Variants in EYS observed in about 807,000 individuals in gnomAD.
The protein encoded by EYS is EGF-like photoreceptor maintenance factor.
EYS carries 250 observed loss-of-function variants against 282.1 expected under a neutral mutation model. The observed-to-expected ratio is 0.89, with a 90% CI of 0.80 to 0.98. EYS has a LOEUF of 0.98. Ranked by LOEUF, EYS falls within the 50% of genes least tolerant of loss-of-function variation. The pLI, the probability that EYS is intolerant of heterozygous loss-of-function variation, is 0.00. For missense variants in EYS, 4,016 were observed against 3,709.0 expected (o/e 1.08, Z -2.15); for synonymous variants, 1,355 against 1,282.9 (o/e 1.06, Z -1.20).
rs1679752561 is a variant in EYS at position 63,721,195 on chromosome 6, T to G, written c.8836A>C (p.Arg2946=). Residue 2946 remains arginine (R), a synonymous_variant, in exon 43 of 43, where the codon AGG becomes CGG. Transcript: ENST00000503581. ...AATGAAGTTTTGTTTTCACAATACC[T>G]TCCCACCCAACCCAAAGTACACAGG... is the stretch of plus-strand genomic sequence containing the variant. ...SCLCTLGWVG[R]YCENKTSFST... 1.3e-6 allele frequency: 2 copies of G among 1,551,676 alleles called. No individual in the cohort carries two copies. Among genetic ancestry groups the G allele is most frequent in the African/African-American group, 1.4e-5 (1 of 73,164 alleles).
intron 19 of EYS, among the ~76,000 whole-genome samples, chr6:64,825,345 T>C (rs1415323864): frequency 6.6e-6 from 1 of 151,944 alleles, no homozygotes; most frequent in African/African-American, 2.4e-5. Context: ...GATGTATTCA[T>C]CTTTTTTTTC....
intron 22 of EYS, among the ~76,000 whole-genome samples, chr6:64,648,708 G>A (rs1178094012): frequency 6.6e-6 from 1 of 152,138 alleles, no homozygotes; most frequent in African/African-American, 2.4e-5. Flanking sequence ...AAGATAGACT[G>A]ATAAACCGTT....
intron 26 of EYS, among the ~76,000 whole-genome samples, chr6:64,581,647 T>C (rs1243629617): frequency 1.3e-5 from 2 of 152,144 alleles, no homozygotes; most frequent in Non-Finnish European, 2.9e-5. Flanking sequence ...TACGTGCATG[T>C]TATTCTTATC....
At chr6:63,730,593 T>G (rs1768758482) in intron 41 of EYS, among the ~76,000 whole-genome samples, 1 of 152,242 alleles carries the variant, frequency 6.6e-6, no homozygotes, top group Non-Finnish European at 1.5e-5. Context: ...ATGATGCTAC[T>G]TTTCCTCCTT....
At chr6:64,078,314 A>C (rs1449848332) in intron 32 of EYS, among the ~76,000 whole-genome samples, 1 of 152,066 alleles carries the variant, frequency 6.6e-6, no homozygotes, top group East Asian at 1.9e-4. Flanking sequence ...ATCTGTTTTA[A>C]TTTTCTCACT....
chr6:65,253,151 C>A (rs1305804265), intron 12 of EYS, among the ~76,000 whole-genome samples: 2 of 151,920 alleles, frequency 1.3e-5, no homozygotes, highest in African/African-American at 2.4e-5. Context: ...ACCCTTCAGA[C>A]ACATCAGAAG....
chr6:63,961,937 G>A (rs1277936678), intron 35 of EYS, among the ~76,000 whole-genome samples: 1 of 152,104 alleles, frequency 6.6e-6, no homozygotes, highest in Non-Finnish European at 1.5e-5. Context: ...TGTAAGAAAT[G>A]TTAATTTGAT....
chr6:64,774,638 T>C (rs1204990426), intron 22 of EYS, among the ~76,000 whole-genome samples: 1 of 151,948 alleles, frequency 6.6e-6, no homozygotes, highest in African/African-American at 2.4e-5. Flanking sequence ...GTATAAATTA[T>C]AGTTCCTAAA....
At chr6:65,109,950 T>C (rs557225921) in intron 12 of EYS, among the ~76,000 whole-genome samples, 10 of 152,330 alleles carry the variant, frequency 6.6e-5, no homozygotes, top group Admixed American at 3.3e-4. Flanking sequence ...ATTCCCTTTT[T>C]GTTTAATGAA....
intron 35 of EYS, among the ~76,000 whole-genome samples, chr6:63,888,595 G>C (rs868491327): frequency 1.8e-4 from 28 of 152,126 alleles, no homozygotes; most frequent in African/African-American, 6.5e-4. Flanking sequence ...ACAGCATCAA[G>C]ATCAACAAAA....
chr6:65,379,581 A>C (rs1051715694), intron 8 of EYS, among the ~76,000 whole-genome samples: 1 of 151,816 alleles, frequency 6.6e-6, no homozygotes, highest in African/African-American at 2.4e-5. Flanking sequence ...CTCTCTCACC[A>C]CTCCTGTTCA....
intron 40 of EYS, among the ~76,000 whole-genome samples, chr6:63,764,577 T>C (rs1769735913): frequency 1.3e-5 from 2 of 152,000 alleles, no homozygotes; most frequent in South Asian, 4.1e-4. Flanking sequence ...AAAATTATTC[T>C]CACTGCCTTA....
intron 26 of EYS, among the ~76,000 whole-genome samples, chr6:64,491,690 A>C (rs2150506198): frequency 6.6e-6 from 1 of 151,098 alleles, no homozygotes; most frequent in South Asian, 2.1e-4. Context: ...GAGAGTGCTA[A>C]AATATATTGC....
chr6:65,597,560 T>C (rs1219258533), intron 2 of EYS, among the ~76,000 whole-genome samples: 1 of 152,110 alleles, frequency 6.6e-6, no homozygotes, highest in Non-Finnish European at 1.5e-5. Flanking sequence ...TTATTTTCAA[T>C]TGTAGCCTTG....
chr6:65,371,992 GT>G (rs144827588), intron 8 of EYS, among the ~76,000 whole-genome samples: 58,412 of 123,668 alleles, frequency 0.47, 12,490 homozygotes, highest in South Asian at 0.54. Context: ...GAGGATAATT[GT>G]AAAAAAAAAA....
At chr6:64,574,944 C>T (rs1765833848) in intron 26 of EYS, among the ~76,000 whole-genome samples, 1 of 152,014 alleles carries the variant, frequency 6.6e-6, no homozygotes. Context: ...AACTTTATTT[C>T]CTTCTATTAC....
chr6:65,474,509 C>A (rs1765330301), intron 5 of EYS, among the ~76,000 whole-genome samples: 1 of 152,060 alleles, frequency 6.6e-6, no homozygotes, highest in African/African-American at 2.4e-5. Context: ...TAATACAGCT[C>A]ATTGTCTCTA....
chr6:65,141,736 A>G (rs1289052812), intron 12 of EYS, among the ~76,000 whole-genome samples: 1 of 150,800 alleles, frequency 6.6e-6, no homozygotes, highest in Non-Finnish European at 1.5e-5. Flanking sequence ...AAAACAATTT[A>G]ATTGACAGCA....
chr6:64,347,879 C>A (rs1423023109), intron 29 of EYS, among the ~76,000 whole-genome samples: 1 of 151,290 alleles, frequency 6.6e-6, no homozygotes, highest in African/African-American at 2.4e-5. Context: ...TCGGCCTCAA[C>A]ACAAAAAAAT....
Sources: allele counts gnomAD v4.1 joint callset (sites outside exome capture counted in the v4.1 genomes callset), GRCh38; gene constraint gnomAD v4.1.1; transcripts MANE v1.5; gene names NCBI Gene and HGNC (gene_info 2026-07-23, HGNC 2026-07-21).